HIVEP3: variants seen among roughly 807,000 people sequenced by gnomAD.
HIVEP3 encodes the protein transcription factor HIVEP3.
In HIVEP3, 49 loss-of-function variants were observed where a neutral mutation model predicts 152.8. The ratio of observed to expected loss-of-function variants is 0.32; its 90% CI spans 0.26 to 0.41. HIVEP3 has a LOEUF of 0.41. HIVEP3 is among the 10% of genes least tolerant of loss of function. The pLI is 1.00. For missense variants in HIVEP3, 2,790 were observed against 3,103.3 expected, an observed-to-expected ratio of 0.90 and a Z score of 2.40; for synonymous variants, 1,269 against 1,289.0, an observed-to-expected ratio of 0.98 and a Z score of 0.33.
intron 5 of HIVEP3, among the ~76,000 whole-genome samples, chr1:41,534,881 G>A (rs959102760): frequency 2.6e-5 from 4 of 152,212 alleles, no homozygotes; most frequent in African/African-American, 7.2e-5. Context: ...TGCTCAGAGC[G>A]GGAGAGGTGG....
intron 1 of HIVEP3, among the ~76,000 whole-genome samples, chr1:41,811,542 C>T (rs1650959375): frequency 6.6e-6 from 1 of 151,942 alleles, no homozygotes; most frequent in Non-Finnish European, 1.5e-5. Context: ...CTACCACATC[C>T]TCTTTTTACA....
intron 1 of HIVEP3, among the ~76,000 whole-genome samples, chr1:42,012,881 A>C (rs1645501300): frequency 6.6e-6 from 1 of 152,170 alleles, no homozygotes; most frequent in Admixed American, 6.5e-5. Context: ...TAACCCACCC[A>C]GTCTATGCTA....
intron 5 of HIVEP3, among the ~76,000 whole-genome samples, chr1:41,544,619 C>G (rs368793922): frequency 0.034 from 5,144 of 149,230 alleles, 148 homozygotes; most frequent in Middle Eastern, 0.09. Flanking sequence ...TCACCGCCAC[C>G]ACTATCATCG....
intron 1 of HIVEP3, among the ~76,000 whole-genome samples, chr1:41,958,820 C>G (rs114842862): frequency 1.3e-5 from 2 of 152,132 alleles, no homozygotes; most frequent in African/African-American, 4.8e-5. Context: ...CATGGACAGT[C>G]GTGCAAGGCT....
At chr1:41,558,458 G>A (rs1644002884) in intron 5 of HIVEP3, among the ~76,000 whole-genome samples, 1 of 152,204 alleles carries the variant, frequency 6.6e-6, no homozygotes, top group South Asian at 2.1e-4. Context: ...CTGGGGAGAT[G>A]AGGATTTGGG....
chr1:41,861,181 T>C (rs968374943), intron 1 of HIVEP3, among the ~76,000 whole-genome samples: 1 of 152,208 alleles, frequency 6.6e-6, no homozygotes, highest in African/African-American at 2.4e-5. Context: ...CCATGCTCCA[T>C]CTGGGGACCA....
chr1:42,001,974 G>T (rs1645430811), intron 1 of HIVEP3, among the ~76,000 whole-genome samples: 1 of 151,930 alleles, frequency 6.6e-6, no homozygotes, highest in African/African-American at 2.4e-5. Context: ...TGATTGGTGG[G>T]CACCAATGCC....
chr1:41,663,780 T>C (rs1050145127), intron 2 of HIVEP3, among the ~76,000 whole-genome samples: 10 of 152,152 alleles, frequency 6.6e-5, no homozygotes, highest in Non-Finnish European at 1.5e-4. Flanking sequence ...CACACTCACG[T>C]ACACGATTGC....
At chr1:41,971,915 G>T (rs1425429532) in intron 1 of HIVEP3, among the ~76,000 whole-genome samples, 1 of 152,148 alleles carries the variant, frequency 6.6e-6, no homozygotes, top group Non-Finnish European at 1.5e-5. Flanking sequence ...TACCATGTGA[G>T]GACACGGTGT....
chr1:41,705,050 G>T (rs1646413046), intron 1 of HIVEP3, among the ~76,000 whole-genome samples: 1 of 152,222 alleles, frequency 6.6e-6, no homozygotes, highest in African/African-American at 2.4e-5. Context: ...CCCAGGCACT[G>T]TGCGAGGTTC....
chr1:41,676,795 C>T (rs746332327), intron 2 of HIVEP3, among the ~76,000 whole-genome samples: 1 of 152,222 alleles, frequency 6.6e-6, no homozygotes, highest in Non-Finnish European at 1.5e-5. Context: ...TGGCCAAACA[C>T]AATCGCGCAG....
chr1:41,568,493 C>T (rs1023024824), intron 5 of HIVEP3, among the ~76,000 whole-genome samples: 4 of 152,204 alleles, frequency 2.6e-5, no homozygotes, highest in Admixed American at 6.5e-5. Context: ...GGGGACACGG[C>T]GTAGGAGCGG....
intron 3 of HIVEP3, among the ~76,000 whole-genome samples, chr1:41,593,388 A>C (rs1279413248): frequency 6.6e-6 from 1 of 152,152 alleles, no homozygotes; most frequent in African/African-American, 2.4e-5. Flanking sequence ...GCAGCACTGT[A>C]TTCCATTTTT....
intron 1 of HIVEP3, among the ~76,000 whole-genome samples, chr1:41,721,707 T>C (rs886401820): frequency 6.6e-6 from 1 of 152,210 alleles, no homozygotes; most frequent in Non-Finnish European, 1.5e-5. Flanking sequence ...TCATCTCTGC[T>C]GTACAGAGGA....
At chr1:41,558,786 C>T (rs1228280873) in intron 5 of HIVEP3, among the ~76,000 whole-genome samples, 1 of 152,166 alleles carries the variant, frequency 6.6e-6, no homozygotes, top group Non-Finnish European at 1.5e-5. Context: ...CCTGGCTGGC[C>T]ACATTTGGCC....
intron 1 of HIVEP3, among the ~76,000 whole-genome samples, chr1:41,868,537 T>TA (rs1444703853): frequency 6.6e-6 from 1 of 152,226 alleles, no homozygotes; most frequent in African/African-American, 2.4e-5. Flanking sequence ...TTTTTGTTTA[T>TA]ATTCAACCCT....
chr1:41,527,226 AC>A (rs988791071), intron 5 of HIVEP3, among the ~76,000 whole-genome samples: 8 of 43,620 alleles, frequency 1.8e-4, no homozygotes, highest in Non-Finnish European at 3.4e-4. Context: ...TCACACACTC[AC>A]CCTCACACAC....
intron 1 of HIVEP3, among the ~76,000 whole-genome samples, chr1:41,962,781 A>C (rs898503819): frequency 6.6e-6 from 1 of 152,260 alleles, no homozygotes; most frequent in Non-Finnish European, 1.5e-5. Context: ...ACCGAACTCA[A>C]GCCAAGCATT....
intron 1 of HIVEP3, among the ~76,000 whole-genome samples, chr1:41,934,261 C>T (rs186480112): frequency 8.4e-4 from 128 of 152,238 alleles, no homozygotes; most frequent in Admixed American, 6.5e-3. Context: ...GGGCTTTGCC[C>T]GCTTCTACTA....
Sources: gnomAD v4.1 joint callset for allele counts (sites outside exome capture counted in the v4.1 genomes callset) on GRCh38, gnomAD v4.1.1 for gene constraint, MANE v1.5 for transcripts, NCBI Gene and HGNC (gene_info 2026-07-23, HGNC 2026-07-21) for gene names.